The following GRM1 variants were observed in gnomAD, a reference collection of about 807,000 sequenced individuals.
The protein encoded by GRM1 is glutamate metabotropic receptor 1.
In GRM1, 33 loss-of-function variants were observed where a neutral mutation model predicts 90.9. The ratio of observed to expected loss-of-function variants is 0.36; its 90% confidence interval spans 0.28 to 0.49. The LOEUF is 0.49. Among genes scored for constraint, GRM1 ranks in the 20% least tolerant of loss-of-function variants. The probability of loss-of-function intolerance (pLI) is 0.99; values close to 1 mark genes in which losing one functional copy is unlikely to be tolerated. For synonymous variants in GRM1, 700 were observed against 613.2 expected, an observed-to-expected ratio of 1.14 and a Z score of -2.09; for missense variants, 1,190 against 1,534.3, an observed-to-expected ratio of 0.78 and a Z score of 3.75.
chr6:146,091,243 C>T (rs565547211), intron 1 of GRM1, among the ~76,000 whole-genome samples: 10 of 152,200 alleles, frequency 6.6e-5, no homozygotes, highest in African/African-American at 2.2e-4. Flanking sequence ...GTCTTTCCTC[C>T]CTTGGGCTAG....
intron 7 of GRM1, among the ~76,000 whole-genome samples, chr6:146,426,229 G>A (rs1778205599): frequency 6.6e-6 from 1 of 152,198 alleles, no homozygotes. Context: ...CTACATCAGT[G>A]TAAGTAGAGA....
In GRM1 at chr6:146,434,387, G is replaced by A. The variant is rs1007868628; in HGVS notation, c.3176G>A (p.Gly1059Glu). The A allele has an allele frequency of 3.7e-6, 6 of 1,613,292 alleles. No homozygotes were observed. Among genetic ancestry groups the A allele is most frequent in the Non-Finnish European group, 4.2e-6 (5 of 1,179,638 alleles). The change falls in exon 8 of 8, where the codon GGG becomes GAG. Residue 1059 changes from glycine (G) to glutamate (E), a missense_variant. Gly to Glu is a moderately conservative substitution (Grantham distance 98). Coordinates refer to ENST00000282753, the MANE Select transcript of GRM1 (RefSeq NM_001278064.2). Reference sequence around the variant, plus strand: ...GTGCTGGCAGGCCCCGGTGGTCCCGGGAACGGGCTGCGGTCCCTGTACCCG... The same window carrying A: ...GTGCTGGCAGGCCCCGGTGGTCCCGAGAACGGGCTGCGGTCCCTGTACCCG... Reference protein sequence around the residue: ...HAVLAGPGGPGNGLRSLYPPP... With the variant: ...HAVLAGPGGPENGLRSLYPPP...
At chr6:146,076,110 C>T (rs1246584500) in intron 1 of GRM1, among the ~76,000 whole-genome samples, 1 of 152,120 alleles carries the variant, frequency 6.6e-6, no homozygotes, top group Admixed American at 6.6e-5. Context: ...GGGACCAGTA[C>T]AAAGGAGCTG....
At chr6:146,101,515 G>T (rs564631890) in intron 1 of GRM1, among the ~76,000 whole-genome samples, 1 of 151,952 alleles carries the variant, frequency 6.6e-6, no homozygotes, top group Non-Finnish European at 1.5e-5. Flanking sequence ...GATGGGCCAC[G>T]CTTCTGTCTC....
chr6:146,028,300 G>T (rs183980084), upstream of GRM1, among the ~76,000 whole-genome samples: 34 of 151,464 alleles, frequency 2.2e-4, no homozygotes, highest in East Asian at 6.7e-3. Flanking sequence ...ACTCAGAGGA[G>T]GGAGGTTGAA....
chr6:146,223,557 G>C (rs1303408300), intron 2 of GRM1, among the ~76,000 whole-genome samples: 2 of 151,926 alleles, frequency 1.3e-5, no homozygotes, highest in African/African-American at 2.4e-5. Flanking sequence ...CCAAAAGGAG[G>C]AAACAATAAA....
At chr6:146,125,780 T>C (rs937507366) in intron 1 of GRM1, among the ~76,000 whole-genome samples, 6 of 152,112 alleles carry the variant, frequency 3.9e-5, no homozygotes, top group African/African-American at 1.4e-4. Context: ...TACTCAGAAT[T>C]CTTAGTAGTG....
intron 1 of GRM1, among the ~76,000 whole-genome samples, chr6:146,077,853 G>C (rs1406686507): frequency 6.6e-6 from 1 of 152,266 alleles, no homozygotes; most frequent in Non-Finnish European, 1.5e-5. Flanking sequence ...TGGTCTAAGA[G>C]GTCAAGACAG....
chr6:146,183,144 C>A (rs1583127985), intron 2 of GRM1, among the ~76,000 whole-genome samples: 1 of 152,140 alleles, frequency 6.6e-6, no homozygotes, highest in Non-Finnish European at 1.5e-5. Flanking sequence ...AGATGGCTTA[C>A]CATATCATCT....
chr6:146,098,627 A>G (rs1349532814), intron 1 of GRM1, among the ~76,000 whole-genome samples: 2 of 151,954 alleles, frequency 1.3e-5, no homozygotes, highest in African/African-American at 2.4e-5. Flanking sequence ...ACCACCTGAT[A>G]TGGTTTGGCT....
chr6:146,117,038 T>C (rs1775775984), intron 1 of GRM1, among the ~76,000 whole-genome samples: 2 of 151,844 alleles, frequency 1.3e-5, no homozygotes, highest in South Asian at 4.1e-4. Flanking sequence ...TTTTAAAGTC[T>C]TCTATTGGTT....
chr6:146,273,263 C>T (rs1782235932), intron 2 of GRM1, among the ~76,000 whole-genome samples: 1 of 151,996 alleles, frequency 6.6e-6, no homozygotes, highest in Admixed American at 6.6e-5. Context: ...GGTGTAGGGG[C>T]TTCCTTGGTT....
At chr6:146,337,563 C>T (rs750594048) in intron 3 of GRM1, among the ~76,000 whole-genome samples, 2 of 152,100 alleles carry the variant, frequency 1.3e-5, no homozygotes, top group East Asian at 1.9e-4. Context: ...TGCCTGCACA[C>T]GACTTGGCCT....
chr6:146,127,677 G>A (rs566990865), intron 1 of GRM1, among the ~76,000 whole-genome samples: 5 of 152,202 alleles, frequency 3.3e-5, no homozygotes, highest in African/African-American at 1.2e-4. Context: ...GAAAATCTGG[G>A]TCTTAGATCT....
intron 1 of GRM1, among the ~76,000 whole-genome samples, chr6:146,094,286 C>T (rs1013919993): frequency 6.6e-6 from 1 of 152,060 alleles, no homozygotes; most frequent in Non-Finnish European, 1.5e-5. Context: ...TCTGTGGTGA[C>T]TGTCTCTTTT....
chr6:146,268,619 T>G (rs887869703), intron 2 of GRM1, among the ~76,000 whole-genome samples: 7 of 152,182 alleles, frequency 4.6e-5, no homozygotes, highest in Admixed American at 4.6e-4. Context: ...TCTATTAAAA[T>G]CATCCTTGAC....
chr6:146,286,845 T>C (rs985146914), intron 2 of GRM1, among the ~76,000 whole-genome samples: 8 of 152,218 alleles, frequency 5.3e-5, no homozygotes, highest in African/African-American at 1.9e-4. Flanking sequence ...ACTGACAGCC[T>C]CTTGTATAGA....
intron 1 of GRM1, among the ~76,000 whole-genome samples, chr6:146,055,482 T>C (rs12216492): frequency 0.086 from 13,111 of 152,228 alleles, 763 homozygotes; most frequent in Non-Finnish European, 0.12. Context: ...TATTCCAAAA[T>C]CATGACTTTC....
intron 2 of GRM1, among the ~76,000 whole-genome samples, chr6:146,237,389 A>G (rs1263202836): frequency 6.8e-6 from 1 of 146,344 alleles, no homozygotes. Flanking sequence ...ATAGTTTATT[A>G]TGCTTTGCTG....
Sources: gnomAD v4.1 joint callset for allele counts (sites outside exome capture counted in the v4.1 genomes callset) on GRCh38, gnomAD v4.1.1 for gene constraint, MANE v1.5 for transcripts, NCBI Gene and HGNC (gene_info 2026-07-23, HGNC 2026-07-21) for gene names.